The following KPNA1 variants were observed in gnomAD, a reference collection of about 807,000 sequenced individuals.
KPNA1 encodes karyopherin subunit alpha 1.
KPNA1 carries 10 observed loss-of-function variants against 70.5 expected under a neutral mutation model. That is an observed-to-expected ratio of 0.14 (90% CI 0.09 to 0.24). The LOEUF is 0.24. Among genes scored for constraint, KPNA1 ranks in the 10% least tolerant of loss-of-function variants. KPNA1 has a pLI of 1.00. For missense variants in KPNA1, 397 were observed against 637.9 expected (o/e 0.62, Z 4.07); for synonymous variants, 192 against 221.9 (o/e 0.87, Z 1.20).
intron 3 of KPNA1, 73 bp from the exon 4 acceptor site, chr3:122,464,114 T>A: frequency 1.4e-6 from 1 of 739,300 alleles, no homozygotes; most frequent in Admixed American, 2.6e-5. Context: ...ATAACAGATA[T>A]CATGGCCAAG....
At chr3:122,503,492 G>C (rs2076853889) in intron 1 of KPNA1, among the ~76,000 whole-genome samples, 1 of 152,154 alleles carries the variant, frequency 6.6e-6, no homozygotes, top group African/African-American at 2.4e-5. Context: ...AATAAATGAA[G>C]CCTAGCCTTC....
At chr3:122,509,334 C>T (rs1023211515) in intron 1 of KPNA1, among the ~76,000 whole-genome samples, 1 of 152,040 alleles carries the variant, frequency 6.6e-6, no homozygotes, top group African/African-American at 2.4e-5. Flanking sequence ...GGCACATACA[C>T]TAATTCTCCC....
In KPNA1 at chr3:122,422,795, A is replaced by G. The variant is rs932337484; in HGVS notation, c.*4190T>C. Reference sequence around the variant, plus strand: ...AAAAAAGGAAAGCCCTTAGCCAGGTATCTGGTGTACAATAGATGATCAAAT... The same window carrying G: ...AAAAAAGGAAAGCCCTTAGCCAGGTGTCTGGTGTACAATAGATGATCAAAT... On this transcript the variant is annotated 3_prime_UTR_variant, in exon 14 of 14. Transcript: ENST00000344337. The G allele has an allele frequency of 4.6e-5, 7 of 152,260 alleles. No individual in the cohort carries two copies. The highest frequency in any genetic ancestry group is 1.7e-4 in the African/African-American group (7 of 41,464). 9.4% of individuals were successfully genotyped at this position (152,260 alleles called of 1,614,324 possible).
chr3:122,474,878 T>C (rs1411433130), intron 2 of KPNA1, among the ~76,000 whole-genome samples: 3 of 152,128 alleles, frequency 2.0e-5, no homozygotes, highest in Admixed American at 6.5e-5. Flanking sequence ...AGGCCATATA[T>C]GACAAACCAA....
chr3:122,471,117 GA>G (rs1008940577), intron 2 of KPNA1, among the ~76,000 whole-genome samples: 7 of 152,174 alleles, frequency 4.6e-5, no homozygotes, highest in African/African-American at 1.7e-4. Flanking sequence ...AGTGGCCACA[GA>G]AAGTCCTCAG....
chr3:122,496,317 A>C (rs1399473146), intron 2 of KPNA1, 120 bp downstream of exon 2: 1 of 360,756 alleles, frequency 2.8e-6, no homozygotes, highest in Non-Finnish European at 4.4e-6. Context: ...GGAGAAGGGG[A>C]AAACACACAC....
intron 1 of KPNA1, among the ~76,000 whole-genome samples, chr3:122,510,607 G>C (rs2076944589): frequency 6.6e-6 from 1 of 152,186 alleles, no homozygotes. Context: ...TAGAGACAGT[G>C]TGTGCATATG....
chr3:122,454,600 G>C (rs936418649), intron 5 of KPNA1, among the ~76,000 whole-genome samples: 3 of 152,150 alleles, frequency 2.0e-5, no homozygotes, highest in African/African-American at 7.2e-5. Context: ...ATGTTAGTGT[G>C]AAACATAAAA....
At chr3:122,483,650 G>A (rs1340707321) in intron 2 of KPNA1, among the ~76,000 whole-genome samples, 1 of 152,052 alleles carries the variant, frequency 6.6e-6, no homozygotes, top group Non-Finnish European at 1.5e-5. Context: ...CAGCCTAGAG[G>A]AATATTTTCA....
At chr3:122,433,441 A>G (rs2075941119) in intron 12 of KPNA1, among the ~76,000 whole-genome samples, 1 of 152,226 alleles carries the variant, frequency 6.6e-6, no homozygotes, top group African/African-American at 2.4e-5. Flanking sequence ...AAGAAATGGG[A>G]GAGTTATAAA....
At chr3:122,457,724 A>C (rs1400436227) in intron 5 of KPNA1, 1 of 1,287,276 alleles carries the variant, frequency 7.8e-7, no homozygotes, top group South Asian at 1.2e-5. Flanking sequence ...AGTACTTCTG[A>C]CCTCCTATCA....
intron 12 of KPNA1, among the ~76,000 whole-genome samples, chr3:122,429,680 T>C (rs185130961): frequency 1.3e-5 from 2 of 152,222 alleles, no homozygotes; most frequent in African/African-American, 4.8e-5. Context: ...AATCCCAGCA[T>C]GTTAATAGAT....
intron 1 of KPNA1, among the ~76,000 whole-genome samples, chr3:122,497,199 G>T (rs530022701): frequency 6.6e-6 from 1 of 152,290 alleles, no homozygotes; most frequent in East Asian, 1.9e-4. Context: ...GCAGTATTTT[G>T]TGACTGGCTT....
chr3:122,511,261 C>T (rs983850566), intron 1 of KPNA1, among the ~76,000 whole-genome samples: 5 of 152,166 alleles, frequency 3.3e-5, no homozygotes, highest in African/African-American at 1.2e-4. Flanking sequence ...TTGTTGCTCA[C>T]AGAGTATATA....
chr3:122,484,776 C>A (rs983933104), intron 2 of KPNA1, among the ~76,000 whole-genome samples: 4 of 152,160 alleles, frequency 2.6e-5, no homozygotes, highest in African/African-American at 7.2e-5. Flanking sequence ...AGTATCAATT[C>A]TCCAAACTGA....
At chr3:122,476,536 T>A (rs889389861) in intron 2 of KPNA1, among the ~76,000 whole-genome samples, 2 of 151,898 alleles carry the variant, frequency 1.3e-5, no homozygotes, top group Non-Finnish European at 2.9e-5. Flanking sequence ...GGGGTTAATA[T>A]CCAAAATATA....
intron 11 of KPNA1, among the ~76,000 whole-genome samples, chr3:122,436,244 A>G (rs1042020879): frequency 1.3e-5 from 2 of 152,188 alleles, no homozygotes; most frequent in African/African-American, 4.8e-5. Context: ...TCTGTTCTCA[A>G]ACCCTGTCTC....
chr3:122,504,793 G>C (rs2076871539), intron 1 of KPNA1, among the ~76,000 whole-genome samples: 1 of 151,906 alleles, frequency 6.6e-6, no homozygotes, highest in Non-Finnish European at 1.5e-5. Flanking sequence ...TTAGACTTTG[G>C]GTGAGAGAGA....
intron 12 of KPNA1, among the ~76,000 whole-genome samples, chr3:122,431,417 A>G (rs1054747119): frequency 1.2e-4 from 18 of 152,180 alleles, no homozygotes; most frequent in African/African-American, 4.3e-4. Context: ...TTGTCCTCCC[A>G]AAGTGCTGGA....
Sources: allele counts gnomAD v4.1 joint callset (sites outside exome capture counted in the v4.1 genomes callset), GRCh38; gene constraint gnomAD v4.1.1; transcripts MANE v1.5; gene names NCBI Gene and HGNC (gene_info 2026-07-23, HGNC 2026-07-21).